Variants in TMEM245 observed in about 807,000 individuals in gnomAD.
TMEM245 encodes the protein transmembrane protein 245, also known as protein CG-2.
TMEM245 carries 69 observed loss-of-function variants against 101.2 expected under a neutral mutation model. The observed-to-expected ratio is 0.68, with a 90% CI of 0.56 to 0.83. TMEM245 has a LOEUF of 0.83. TMEM245 is among the 40% of genes least tolerant of loss of function. The pLI is 0.00. For missense variants in TMEM245, 1,075 were observed against 1,092.8 expected (o/e 0.98, Z 0.23); for synonymous variants, 537 against 449.8 (o/e 1.19, Z -2.45).
chr9:109,062,127 G>A (rs1829035717), intron 10 of TMEM245, among the ~76,000 whole-genome samples: 1 of 152,056 alleles, frequency 6.6e-6, no homozygotes, highest in Non-Finnish European at 1.5e-5. Flanking sequence ...ACCTAAGACA[G>A]CCAAGTAGCT....
At chr9:109,112,228 T>A (rs1430562951) in intron 1 of TMEM245, among the ~76,000 whole-genome samples, 2 of 152,138 alleles carry the variant, frequency 1.3e-5, no homozygotes, top group South Asian at 4.1e-4. Flanking sequence ...GAAAAAAGAT[T>A]TATACTGTAG....
At chr9:109,051,437 A>G (rs1033793217) in intron 12 of TMEM245, among the ~76,000 whole-genome samples, 6 of 152,078 alleles carry the variant, frequency 3.9e-5, no homozygotes, top group African/African-American at 1.4e-4. Context: ...TCATTAGGCA[A>G]TTTCGTCCTG....
In TMEM245 at chr9:109,038,174, A is replaced by C. The variant is rs548730882; in HGVS notation, c.2124-57T>G. ...AATAAACAGTGTCATATCGTGATTC[A>C]GAAAAATCACGTGACCACTTGATTC... On this transcript the variant is annotated intron_variant, in intron 14 of 17. Coordinates refer to ENST00000374586, the MANE Select transcript of TMEM245 (RefSeq NM_032012.4). The C allele has an allele frequency of 2.2e-6, 3 of 1,384,584 alleles. No individual in the cohort carries two copies. The Admixed American group carries it at 6.4e-5, about 30-fold the overall frequency. 85.8% of individuals were successfully genotyped at this position (1,384,584 alleles called of 1,614,324 possible).
chr9:109,110,311 C>A (rs1423089739), intron 1 of TMEM245, among the ~76,000 whole-genome samples: 1 of 152,050 alleles, frequency 6.6e-6, no homozygotes, highest in African/African-American at 2.4e-5. Context: ...TCCTCATAAC[C>A]CCACAAAATA....
At chr9:109,043,585 T>C (rs117099554) in intron 14 of TMEM245, among the ~76,000 whole-genome samples, 1,623 of 130,584 alleles carry the variant, frequency 0.012, 16 homozygotes, top group South Asian at 0.055. Context: ...CAAGCTCTCC[T>C]AGCACTCAAT....
intron 1 of TMEM245, 61 bp from the exon 2 acceptor site, chr9:109,108,631 T>C (rs1271299678): frequency 1.6e-6 from 2 of 1,237,204 alleles, no homozygotes; most frequent in Non-Finnish European, 1.2e-6. Context: ...CATACAATTA[T>C]ACAAAATCTG....
At chr9:109,074,489 C>A (rs552482481) in intron 8 of TMEM245, among the ~76,000 whole-genome samples, 1 of 152,192 alleles carries the variant, frequency 6.6e-6, no homozygotes, top group African/African-American at 2.4e-5. Flanking sequence ...GAAGCCACAT[C>A]GTTATCCTTT....
chr9:109,046,346 T>C (rs1476907280), intron 14 of TMEM245: 2 of 526,052 alleles, frequency 3.8e-6, no homozygotes, highest in Admixed American at 1.9e-5. Flanking sequence ...GTGTGATGTA[T>C]ACATTCAGGA....
chr9:109,061,552 C>T lies in TMEM245; in HGVS notation c.1624-1100G>A, dbSNP rs1235480613. On this transcript the variant is annotated intron_variant, in intron 10 of 17. Transcript: ENST00000374586. ...TGGTATTAGCTGATCATTACCCACT[C>T]TAAGGATATACAATAAATCCTTCTT... 5.3e-5 allele frequency among the ~76,000 whole-genome samples: 8 copies of T among 152,246 alleles called. 1 individual carries two copies. Among genetic ancestry groups the T allele is most frequent in the Middle Eastern group, 3.4e-3 (1 of 294 alleles).
chr9:109,056,065 T>G (rs1278390403), intron 12 of TMEM245, among the ~76,000 whole-genome samples: 1 of 152,208 alleles, frequency 6.6e-6, no homozygotes, highest in Non-Finnish European at 1.5e-5. Flanking sequence ...TTAACAGCAC[T>G]TCATCTTCCA....
intron 10 of TMEM245, among the ~76,000 whole-genome samples, chr9:109,061,188 T>C (rs528925986): frequency 6.6e-6 from 1 of 152,268 alleles, no homozygotes; most frequent in East Asian, 1.9e-4. Flanking sequence ...TGGTGGCGCA[T>C]GCCTGCAGTC....
At chr9:109,095,466 T>C (rs1262367720) in intron 3 of TMEM245, among the ~76,000 whole-genome samples, 1 of 152,154 alleles carries the variant, frequency 6.6e-6, no homozygotes, top group Non-Finnish European at 1.5e-5. Flanking sequence ...GAACCCGGCA[T>C]ATTAAAGACA....
At chr9:109,091,675 A>T (rs1391984069) in intron 4 of TMEM245, among the ~76,000 whole-genome samples, 2 of 152,188 alleles carry the variant, frequency 1.3e-5, no homozygotes, top group African/African-American at 4.8e-5. Flanking sequence ...ATGAGATACA[A>T]AAACAATGAC....
intron 14 of TMEM245, among the ~76,000 whole-genome samples, chr9:109,045,889 A>T (rs911373905): frequency 3.3e-5 from 5 of 152,232 alleles, no homozygotes; most frequent in African/African-American, 1.2e-4. Context: ...TTCTTCAAAT[A>T]AATGAAAATA....
intron 5 of TMEM245, among the ~76,000 whole-genome samples, chr9:109,089,964 A>G (rs896982966): frequency 1.3e-5 from 2 of 152,220 alleles, no homozygotes; most frequent in Admixed American, 6.5e-5. Context: ...TAGCGCTCAA[A>G]AATCATTCAA....
chr9:109,056,540 C>G (rs988110778), intron 12 of TMEM245, among the ~76,000 whole-genome samples: 1 of 151,472 alleles, frequency 6.6e-6, no homozygotes, highest in Non-Finnish European at 1.5e-5. Context: ...CGCTTGAACC[C>G]GGGAGGTGGA....
chr9:109,069,621 G>A (rs140578185), intron 9 of TMEM245, among the ~76,000 whole-genome samples: 24 of 151,964 alleles, frequency 1.6e-4, no homozygotes, highest in African/African-American at 4.4e-4. Flanking sequence ...TGTTCCATTC[G>A]TGCCATGGAT....
rs538686152 is a variant in TMEM245 at position 109,077,746 on chromosome 9, G to A, written c.1449+3093C>T. Among the ~76,000 whole-genome samples the A allele has an allele frequency of 4.3e-4, 65 of 152,258 alleles. 1 individual carries two copies. The highest frequency in any genetic ancestry group is 3.4e-3 in the Middle Eastern group (1 of 294). On this transcript the variant is annotated intron_variant, in intron 8 of 17. Transcript: ENST00000374586. ...ATAGAATCAACTGCACATATTTTCT[G>A]TGGACAGTTTGCACAGTGTATGTTT...
chr9:109,060,223 A>C, intron 11 of TMEM245, 131 bp downstream of exon 11: 1 of 649,430 alleles, frequency 1.5e-6, no homozygotes, highest in Non-Finnish European at 2.6e-6. Context: ...TAGTGACCTG[A>C]GGCTTAAGGT....
Sources: gnomAD v4.1 joint callset for allele counts (sites outside exome capture counted in the v4.1 genomes callset) on GRCh38, gnomAD v4.1.1 for gene constraint, MANE v1.5 for transcripts, NCBI Gene and HGNC (gene_info 2026-07-23, HGNC 2026-07-21) for gene names.